LAMC1: variants seen among roughly 807,000 people sequenced by gnomAD.
LAMC1 encodes the protein laminin subunit gamma 1, also known as laminin subunit gamma-1.
A neutral mutation model predicts 173.6 loss-of-function variants in LAMC1; 38 were observed. The ratio of observed to expected loss-of-function variants is 0.22; its 90% CI spans 0.17 to 0.29. LAMC1 has a LOEUF of 0.29. LAMC1 is among the 10% of genes least tolerant of loss of function. LAMC1 has a pLI of 1.00. For missense variants in LAMC1, 1,824 were observed against 2,051.8 expected, an observed-to-expected ratio of 0.89 and a Z score of 2.14; for synonymous variants, 746 against 749.1, an observed-to-expected ratio of 1.00 and a Z score of 0.07.
At chr1:183,053,614 A>C (rs1654496827) in intron 1 of LAMC1, among the ~76,000 whole-genome samples, 1 of 152,052 alleles carries the variant, frequency 6.6e-6, no homozygotes, top group Non-Finnish European at 1.5e-5. Flanking sequence ...CAAAACATTC[A>C]TAATGAAAGA....
intron 2 of LAMC1, among the ~76,000 whole-genome samples, chr1:183,107,525 A>G (rs1048256408): frequency 3.9e-5 from 6 of 152,136 alleles, no homozygotes; most frequent in Non-Finnish European, 1.5e-5. Flanking sequence ...AGGGAGGAAT[A>G]GATGCTATAA....
chr1:183,059,745 A>G (rs951332041), intron 1 of LAMC1, among the ~76,000 whole-genome samples: 1 of 152,168 alleles, frequency 6.6e-6, no homozygotes. Context: ...GGGTGAGGAG[A>G]GTGCAGTTCA....
At chr1:183,083,450 G>A (rs10911233) in intron 1 of LAMC1, among the ~76,000 whole-genome samples, 51,485 of 152,004 alleles carry the variant, frequency 0.34, 9,782 homozygotes, top group East Asian at 0.49. Flanking sequence ...ATGCTGGTAT[G>A]TCCTGAGACT....
chr1:183,051,837 G>A (rs1654435218), intron 1 of LAMC1, among the ~76,000 whole-genome samples: 1 of 152,168 alleles, frequency 6.6e-6, no homozygotes, highest in Non-Finnish European at 1.5e-5. Flanking sequence ...AGTTATCACA[G>A]GGATCTTGTG....
At chr1:183,056,118 T>C (rs1654588359) in intron 1 of LAMC1, among the ~76,000 whole-genome samples, 1 of 152,230 alleles carries the variant, frequency 6.6e-6, no homozygotes. Context: ...GGCAGTGTGG[T>C]GCAGTGGTTA....
intron 2 of LAMC1, among the ~76,000 whole-genome samples, chr1:183,107,271 G>C (rs1656002313): frequency 6.6e-6 from 1 of 152,320 alleles, no homozygotes; most frequent in Non-Finnish European, 1.5e-5. Context: ...TTACAGTGTG[G>C]TGGGAAGGGG....
At position 183,114,877 on chromosome 1, in the gene LAMC1, C is replaced by T. The variant is rs532006876; in HGVS notation, c.1210+158C>T. ...CAAGATCTGTCTCTACCCCATGCCT[C>T]CACCTTTTTTAACCAAGTTGAACTT... is the stretch of plus-strand genomic sequence containing the variant. On this transcript the variant is annotated intron_variant, in intron 5 of 27. Transcript: ENST00000258341. Among the ~76,000 whole-genome samples, 162 of 152,324 alleles carry T rather than the reference C, an allele frequency of 1.1e-3. 4 individuals carry two copies. The South Asian group carries it at 0.033, about 31-fold the overall frequency.
chr1:183,095,921 A>G (rs1415448189), intron 1 of LAMC1, among the ~76,000 whole-genome samples: 1 of 152,182 alleles, frequency 6.6e-6, no homozygotes, highest in Non-Finnish European at 1.5e-5. Flanking sequence ...AGTGATTTGC[A>G]CTTATTTGAA....
At chr1:183,060,264 A>T (rs1654708717) in intron 1 of LAMC1, among the ~76,000 whole-genome samples, 1 of 151,426 alleles carries the variant, frequency 6.6e-6, no homozygotes, top group African/African-American at 2.4e-5. Context: ...ATGCATTTTC[A>T]TTTTCATCTT....
chr1:183,124,976 G>T lies in LAMC1; in HGVS notation c.2647+100G>T, dbSNP rs148724312. Reference sequence around the variant, plus strand: ...ATATGTATAGTTGTTTAGTCCAATAGAAATACATTGTGAACCGCTTTTGTC... The same window carrying T: ...ATATGTATAGTTGTTTAGTCCAATATAAATACATTGTGAACCGCTTTTGTC... On this transcript the variant is annotated intron_variant, in intron 14 of 27. Coordinates refer to ENST00000258341, the MANE Select transcript of LAMC1 (RefSeq NM_002293.4). 2.8e-3 allele frequency: 4,069 copies of T among 1,432,342 alleles called. 8 individuals are homozygous for T. Among genetic ancestry groups the T allele is most frequent in the Admixed American group, 4.2e-3 (196 of 46,992 alleles). 88.7% of individuals were successfully genotyped at this position (1,432,342 alleles called of 1,614,324 possible). A position where few individuals can be genotyped will look rare whatever the true frequency, so the allele number is the denominator to read the frequency against.
intron 21 of LAMC1, among the ~76,000 whole-genome samples, 191 bp from the exon 22 acceptor site, chr1:183,133,215 C>CATATAAATT (rs1656847208): frequency 6.6e-6 from 1 of 152,046 alleles, no homozygotes; most frequent in Non-Finnish European, 1.5e-5. Context: ...CCGGCCAAGC[C>CATATAAATT]ATACATTATA....
At chr1:183,110,458 C>T in intron 3 of LAMC1, 30 bp from the exon 4 acceptor site, 2 of 1,565,778 alleles carry the variant, frequency 1.3e-6, no homozygotes, top group South Asian at 1.2e-5. Context: ...GCAGCTGTTC[C>T]ATTTTTTGGA....
intron 1 of LAMC1, among the ~76,000 whole-genome samples, chr1:183,059,708 A>T (rs963160437): frequency 6.6e-6 from 1 of 152,152 alleles, no homozygotes; most frequent in South Asian, 2.1e-4. Flanking sequence ...GGTAAAACAG[A>T]GGGGACACAA....
In LAMC1 at chr1:183,023,810, T is replaced by C. The variant is rs1653604218; in HGVS notation, c.94T>C (p.Cys32Arg). ...AVLAAAAAAG[C>R]AQAAMDECTD... ...GCTGGCGGCGGCCGCCGCGGCGGGC[T>C]GTGCCCAGGCAGCCATGGACGAGTG... The change falls in exon 1 of 28, where the codon TGT becomes CGT. Residue 32 changes from cysteine to arginine, a missense_variant. Cys to Arg is a radical substitution (Grantham distance 180, BLOSUM62 -3). Coordinates refer to ENST00000258341, the MANE Select transcript of LAMC1 (RefSeq NM_002293.4). 1 of 1,548,494 alleles carries C rather than the reference T, an allele frequency of 6.5e-7. No individual in the cohort carries two copies. The highest frequency in any genetic ancestry group is 8.7e-7 in the Non-Finnish European group (1 of 1,148,770).
chr1:183,047,629 G>T (rs976985874), intron 1 of LAMC1, among the ~76,000 whole-genome samples: 1 of 152,202 alleles, frequency 6.6e-6, no homozygotes, highest in Non-Finnish European at 1.5e-5. Flanking sequence ...ATAGACCCAT[G>T]TGTAATTTGT....
At chr1:183,082,479 C>T (rs12082051) in intron 1 of LAMC1, among the ~76,000 whole-genome samples, 76,203 of 151,848 alleles carry the variant, frequency 0.5, 19,739 homozygotes, top group South Asian at 0.64. Context: ...CCATGAAGCA[C>T]GGTAAAGCAA....
chr1:183,053,034 G>A (rs773460151), intron 1 of LAMC1, among the ~76,000 whole-genome samples: 26 of 152,158 alleles, frequency 1.7e-4, no homozygotes, highest in Non-Finnish European at 2.6e-4. Flanking sequence ...CCTAGTGTTG[G>A]TTGGAGTTCT....
intron 15 of LAMC1, 86 bp downstream of exon 15, chr1:183,125,636 CTG>C (rs1212742618): frequency 1.2e-5 from 13 of 1,055,978 alleles, no homozygotes; most frequent in Non-Finnish European, 1.6e-5. Flanking sequence ...TAATAATTGA[CTG>C]TTCAGAAATT....
chr1:183,114,288 C>T (rs1656254344), intron 4 of LAMC1, among the ~76,000 whole-genome samples: 1 of 152,180 alleles, frequency 6.6e-6, no homozygotes, highest in South Asian at 2.1e-4. Flanking sequence ...CCAGGCTGGT[C>T]TCAAACTCAT....
Sources: allele counts gnomAD v4.1 joint callset (sites outside exome capture counted in the v4.1 genomes callset), GRCh38; gene constraint gnomAD v4.1.1; transcripts MANE v1.5; gene names NCBI Gene and HGNC (gene_info 2026-07-23, HGNC 2026-07-21).